Variants in HECW1 observed in about 807,000 individuals in gnomAD.
HECW1 encodes HECT, C2 and WW domain containing E3 ubiquitin protein ligase 1, also known as E3 ubiquitin-protein ligase HECW1.
Under a neutral mutation model 182.3 loss-of-function variants are expected in HECW1, and 61 were observed. The observed-to-expected ratio is 0.33, with a 90% CI of 0.27 to 0.41. The LOEUF (loss-of-function observed/expected upper bound fraction) is 0.41. Among genes scored for constraint, HECW1 ranks in the 10% least tolerant of loss-of-function variants. HECW1 has a pLI of 1.00. For missense variants in HECW1, 1,739 were observed against 2,108.9 expected (o/e 0.82, Z 3.44); for synonymous variants, 859 against 832.6 (o/e 1.03, Z -0.55).
At chr7:43,280,511 A>G (rs751137443) in intron 3 of HECW1, among the ~76,000 whole-genome samples, 11 of 152,246 alleles carry the variant, frequency 7.2e-5, no homozygotes, top group Non-Finnish European at 4.4e-5. Flanking sequence ...AAGTTTTGCC[A>G]GCTTGTCTTT....
chr7:43,559,303 C>G (rs1170745789), intron 29 of HECW1, among the ~76,000 whole-genome samples: 1 of 152,098 alleles, frequency 6.6e-6, no homozygotes, highest in Non-Finnish European at 1.5e-5. Context: ...ACTTAAAGAC[C>G]CGTGCAGATC....
intron 2 of HECW1, among the ~76,000 whole-genome samples, chr7:43,197,142 A>C (rs936059048): frequency 1.3e-5 from 2 of 152,242 alleles, no homozygotes; most frequent in African/African-American, 2.4e-5. Flanking sequence ...GATGTAATCC[A>C]AAAGAGAATT....
At chr7:43,271,806 A>T (rs1802437161) in intron 3 of HECW1, among the ~76,000 whole-genome samples, 1 of 152,182 alleles carries the variant, frequency 6.6e-6, no homozygotes, top group African/African-American at 2.4e-5. Context: ...CACTATTCTT[A>T]TCAAACTATC....
At chr7:43,508,760 T>C (rs2079714441) in intron 23 of HECW1, 1 of 567,572 alleles carries the variant, frequency 1.8e-6, no homozygotes, top group Non-Finnish European at 3.1e-6. Flanking sequence ...CATGGACATC[T>C]GGTTAAGAAA....
At chr7:43,424,336 C>T (rs955993312) in intron 8 of HECW1, among the ~76,000 whole-genome samples, 1 of 152,134 alleles carries the variant, frequency 6.6e-6, no homozygotes, top group Non-Finnish European at 1.5e-5. Context: ...AAAATACGAA[C>T]AGGCCAGGTG....
At chr7:43,551,762 G>T in intron 27 of HECW1, among the ~76,000 whole-genome samples, 1 of 152,268 alleles carries the variant, frequency 6.6e-6, no homozygotes, top group South Asian at 2.1e-4. Flanking sequence ...ATACTGTGAG[G>T]TGGGTGGCTT....
At chr7:43,446,045 CTG>C (rs2077044159) in intron 11 of HECW1, among the ~76,000 whole-genome samples, 1 of 152,200 alleles carries the variant, frequency 6.6e-6, no homozygotes, top group African/African-American at 2.4e-5. Flanking sequence ...GATTTTACCT[CTG>C]TTTTAGAATT....
intron 6 of HECW1, among the ~76,000 whole-genome samples, chr7:43,389,459 T>C (rs1240517072): frequency 6.6e-6 from 1 of 152,220 alleles, no homozygotes. Flanking sequence ...ACAATGTATG[T>C]CCTCACTTTT....
chr7:43,515,959 T>A (rs1381248522), intron 24 of HECW1, among the ~76,000 whole-genome samples: 1 of 152,268 alleles, frequency 6.6e-6, no homozygotes, highest in Non-Finnish European at 1.5e-5. Flanking sequence ...TGCAAATGCA[T>A]ATAGTTTCAA....
intron 24 of HECW1, among the ~76,000 whole-genome samples, chr7:43,520,434 G>T (rs561409604): frequency 5.3e-5 from 8 of 151,894 alleles, no homozygotes. Context: ...CCCTCCCCAC[G>T]CTTCCTTAGG....
intron 4 of HECW1, among the ~76,000 whole-genome samples, chr7:43,314,107 C>A (rs1425022685): frequency 6.6e-6 from 1 of 152,178 alleles, no homozygotes; most frequent in Non-Finnish European, 1.5e-5. Context: ...AGCCACCATG[C>A]CCAGCCCAGA....
intron 8 of HECW1, among the ~76,000 whole-genome samples, chr7:43,429,604 C>A (rs893819967): frequency 2.0e-5 from 3 of 152,068 alleles, no homozygotes; most frequent in African/African-American, 7.2e-5. Flanking sequence ...TTTTGAATGT[C>A]ATTTTTAAAC....
chr7:43,311,271 CACCCAGCAGGGACCA>C (rs1250678309), intron 3 of HECW1, among the ~76,000 whole-genome samples: 6 of 152,202 alleles, frequency 3.9e-5, no homozygotes, highest in Non-Finnish European at 8.8e-5. Context: ...GTGACTGCCT[CACCCAGCAGGGACCA>C]CTCCTAATTC....
chr7:43,463,673 C>G lies in HECW1; in HGVS notation c.2665C>G (p.Gln889Glu). ...TCTAATGCAAAGGTATCAAAACATTCAGCGAACCATTGCAACAGAGAGGTC... is the reference window on the plus strand; with the variant it reads ...TCTAATGCAAAGGTATCAAAACATTGAGCGAACCATTGCAACAGAGAGGTC... The part of the protein sequence containing the change: ...EQLNRRYQNI[Q>E]RTIATERSEE... The change falls in exon 14 of 30, where the codon CAG (glutamine) becomes GAG (glutamate). Residue 889 changes from glutamine (Q) to glutamate (E), a missense_variant. This residue lies in a region of HECW1 where 971 missense variants were observed against 1,029.1 expected (regional missense o/e 0.94). Coordinates refer to ENST00000395891, the MANE Select transcript of HECW1 (RefSeq NM_015052.5). 1 of 1,613,756 alleles carries G rather than the reference C, an allele frequency of 6.2e-7. No homozygotes were observed. Among genetic ancestry groups the G allele is most frequent in the Non-Finnish European group, 8.5e-7 (1 of 1,179,814 alleles).
chr7:43,466,594 G>A (rs34399842), intron 15 of HECW1, 26 bp downstream of exon 15: 87,217 of 1,607,422 alleles, frequency 0.054, 2,802 homozygotes, highest in Non-Finnish European at 0.059. Flanking sequence ...TGCAGAGGGG[G>A]CGGCCTGGCT....
intron 2 of HECW1, among the ~76,000 whole-genome samples, chr7:43,197,592 A>G (rs1794586954): frequency 6.6e-6 from 1 of 152,104 alleles, no homozygotes; most frequent in Non-Finnish European, 1.5e-5. Flanking sequence ...CTCCAAACTG[A>G]GCCCCTAAAT....
At chr7:43,320,530 T>G in intron 4 of HECW1, 105 bp from the exon 5 acceptor site, 1 of 776,034 alleles carries the variant, frequency 1.3e-6, no homozygotes, top group Non-Finnish European at 2.1e-6. Flanking sequence ...TTTTCTTCTG[T>G]TGAGATGGAA....
intron 3 of HECW1, among the ~76,000 whole-genome samples, chr7:43,301,261 C>A (rs1317305366): frequency 3.3e-5 from 5 of 152,228 alleles, no homozygotes; most frequent in African/African-American, 1.2e-4. Context: ...TAAAGATACG[C>A]TTTTCCACGA....
chr7:43,489,390 AAAGAG>A (rs1287496562), intron 17 of HECW1, among the ~76,000 whole-genome samples: 3 of 152,222 alleles, frequency 2.0e-5, no homozygotes, highest in African/African-American at 7.2e-5. Flanking sequence ...CATGGAGAAA[AAAGAG>A]AAGTATGAGG....
Sources: gnomAD v4.1 joint callset for allele counts (sites outside exome capture counted in the v4.1 genomes callset) on GRCh38, gnomAD v4.1.1 for gene constraint, gnomAD v4.1.1 regional missense constraint, MANE v1.5 for transcripts, NCBI Gene and HGNC (gene_info 2026-07-23, HGNC 2026-07-21) for gene names.